Variants in NEK11 observed in about 807,000 individuals in gnomAD.
NEK11 encodes NIMA related kinase 11.
In NEK11, 72 loss-of-function variants were observed where a neutral mutation model predicts 80.7. That is an observed-to-expected ratio of 0.89 (90% CI 0.74 to 1.08). NEK11 has a LOEUF of 1.08. Among genes scored for constraint, NEK11 ranks in the 50% least tolerant of loss-of-function variants. The pLI, the probability that NEK11 is intolerant of heterozygous loss-of-function variation, is 0.00. For synonymous variants in NEK11, 251 were observed against 260.7 expected (o/e 0.96, Z 0.36); for missense variants, 764 against 763.6 (o/e 1.00, Z -0.01).
intron 15 of NEK11, among the ~76,000 whole-genome samples, chr3:131,239,037 C>G (rs995608327): frequency 7.9e-5 from 12 of 152,050 alleles, no homozygotes; most frequent in Admixed American, 2.0e-4. Flanking sequence ...GCATTGAGGC[C>G]ACTTCCTGGC....
intron 3 of NEK11, among the ~76,000 whole-genome samples, chr3:131,066,159 A>G (rs368067864): frequency 1.3e-5 from 2 of 152,218 alleles, no homozygotes; most frequent in African/African-American, 4.8e-5. Context: ...AACCCTCCAC[A>G]GAAAGAAATT....
intron 14 of NEK11, among the ~76,000 whole-genome samples, chr3:131,213,543 G>C (rs2094706482): frequency 6.6e-6 from 1 of 152,160 alleles, no homozygotes; most frequent in Non-Finnish European, 1.5e-5. Flanking sequence ...AAAGAGAGGA[G>C]GGAGAGGCCG....
intron 3 of NEK11, among the ~76,000 whole-genome samples, chr3:131,038,980 A>G (rs900623091): frequency 1.3e-5 from 2 of 152,240 alleles, no homozygotes; most frequent in African/African-American, 4.8e-5. Context: ...CTAGTAAATA[A>G]TAGTAATAAT....
At chr3:131,088,088 CAG>C (rs1014287151) in intron 4 of NEK11, 1 of 152,222 alleles carries the variant, frequency 6.6e-6, no homozygotes, top group Non-Finnish European at 1.5e-5. Flanking sequence ...GCATTGTTTT[CAG>C]AGTGGTGGGT....
At chr3:131,066,671 T>C (rs892045790) in intron 3 of NEK11, among the ~76,000 whole-genome samples, 2 of 149,740 alleles carry the variant, frequency 1.3e-5, no homozygotes, top group Admixed American at 1.3e-4. Flanking sequence ...CCATATCTAC[T>C]AAAAAAAAAT....
intron 16 of NEK11, among the ~76,000 whole-genome samples, chr3:131,243,865 A>G (rs1310761286): frequency 6.6e-6 from 1 of 152,124 alleles, no homozygotes; most frequent in Non-Finnish European, 1.5e-5. Flanking sequence ...TGGGAGGACC[A>G]TCACTCCGAA....
intron 17 of NEK11, among the ~76,000 whole-genome samples, chr3:131,300,147 C>CA (rs1331981632): frequency 6.6e-6 from 1 of 152,066 alleles, no homozygotes; most frequent in Non-Finnish European, 1.5e-5. Context: ...GAGCATATTT[C>CA]ATATGTTTGT....
chr3:131,075,241 C>G (rs757497319), intron 3 of NEK11, among the ~76,000 whole-genome samples: 2 of 152,144 alleles, frequency 1.3e-5, no homozygotes, highest in Non-Finnish European at 2.9e-5. Flanking sequence ...AAACAAAAAG[C>G]AGTGCATATT....
At chr3:131,203,509 A>G (rs544598425) in intron 14 of NEK11, among the ~76,000 whole-genome samples, 3 of 151,222 alleles carry the variant, frequency 2.0e-5, no homozygotes, top group Non-Finnish European at 4.4e-5. Context: ...CAGCACACCA[A>G]CATGGCATAT....
At chr3:131,052,745 G>A (rs1246369422) in intron 3 of NEK11, among the ~76,000 whole-genome samples, 1 of 152,142 alleles carries the variant, frequency 6.6e-6, no homozygotes, top group East Asian at 1.9e-4. Flanking sequence ...GCAGCTATGA[G>A]TTTTTGGAAT....
intron 14 of NEK11, among the ~76,000 whole-genome samples, chr3:131,190,007 A>G (rs2093733092): frequency 6.6e-6 from 1 of 152,170 alleles, no homozygotes; most frequent in South Asian, 2.1e-4. Context: ...TTATATCTCT[A>G]CTATTTTTAA....
At chr3:131,298,873 C>T (rs1360344560) in intron 17 of NEK11, among the ~76,000 whole-genome samples, 1 of 149,488 alleles carries the variant, frequency 6.7e-6, no homozygotes, top group African/African-American at 2.5e-5. Context: ...TAGTATTTTT[C>T]ATGCATCTAT....
chr3:131,033,393 T>G (rs961591679), intron 3 of NEK11, among the ~76,000 whole-genome samples: 1 of 152,180 alleles, frequency 6.6e-6, no homozygotes, highest in South Asian at 2.1e-4. Flanking sequence ...ATGCTATTCC[T>G]TCAACACATC....
chr3:131,066,022 A>C (rs1384031345), intron 3 of NEK11, among the ~76,000 whole-genome samples: 2 of 152,240 alleles, frequency 1.3e-5, no homozygotes, highest in Non-Finnish European at 2.9e-5. Flanking sequence ...ATCCACAAGA[A>C]GACTGCATTT....
At chr3:131,117,193 T>C (rs1395185481) in intron 5 of NEK11, among the ~76,000 whole-genome samples, 7 of 152,224 alleles carry the variant, frequency 4.6e-5, no homozygotes, top group Non-Finnish European at 1.0e-4. Flanking sequence ...TTTCTACTTA[T>C]GGCTAGCCAG....
intron 16 of NEK11, among the ~76,000 whole-genome samples, chr3:131,255,357 A>T (rs1284369675): frequency 2.6e-5 from 4 of 152,160 alleles, no homozygotes; most frequent in Admixed American, 2.0e-4. Context: ...ACACATACCC[A>T]GTTCTACATT....
intron 3 of NEK11, among the ~76,000 whole-genome samples, chr3:131,077,041 A>C (rs1345128786): frequency 6.6e-6 from 1 of 152,160 alleles, no homozygotes; most frequent in Non-Finnish European, 1.5e-5. Flanking sequence ...ATTTCAAGGG[A>C]ATGAAATTAG....
At chr3:131,127,497 A>G (rs2083575556) in intron 5 of NEK11, among the ~76,000 whole-genome samples, 1 of 150,894 alleles carries the variant, frequency 6.6e-6, no homozygotes, top group Admixed American at 6.6e-5. Context: ...TATATTTTCT[A>G]TATAGAAAAT....
At chr3:131,234,477 G>T (rs1033709920) in intron 15 of NEK11, among the ~76,000 whole-genome samples, 1 of 152,130 alleles carries the variant, frequency 6.6e-6, no homozygotes, top group Admixed American at 6.5e-5. Flanking sequence ...TTAGCATTCC[G>T]CTGGCCTGTG....
Sources: gnomAD v4.1 joint callset for allele counts (sites outside exome capture counted in the v4.1 genomes callset) on GRCh38, gnomAD v4.1.1 for gene constraint, MANE v1.5 for transcripts, NCBI Gene and HGNC (gene_info 2026-07-23, HGNC 2026-07-21) for gene names.